The following FAM135B variants were observed in gnomAD, a reference collection of about 807,000 sequenced individuals.
The protein encoded by FAM135B is family with sequence similarity 135 member B, also known as protein FAM135B.
A neutral mutation model predicts 127.7 loss-of-function variants in FAM135B; 43 were observed. The ratio of observed to expected loss-of-function variants is 0.34; its 90% CI spans 0.26 to 0.43. The LOEUF is 0.43. Among genes scored for constraint, FAM135B ranks in the 20% least tolerant of loss-of-function variants. The pLI is 1.00. For missense variants in FAM135B, 1,558 were observed against 1,725.6 expected, an observed-to-expected ratio of 0.90 and a Z score of 1.72; for synonymous variants, 670 against 665.1, an observed-to-expected ratio of 1.01 and a Z score of -0.11.
intron 11 of FAM135B, among the ~76,000 whole-genome samples, chr8:138,169,640 T>C (rs1484353263): frequency 6.6e-6 from 1 of 152,216 alleles, no homozygotes; most frequent in Non-Finnish European, 1.5e-5. Flanking sequence ...TCTGTACCTT[T>C]TGCCACCTTC....
intron 1 of FAM135B, chr8:138,477,291 C>T (rs1266985175): frequency 2.0e-5 from 3 of 152,230 alleles, no homozygotes; most frequent in Non-Finnish European, 1.5e-5. Context: ...AATCTCTTTT[C>T]CCTGAGCTTT....
chr8:138,234,512 A>G (rs1379882027), intron 7 of FAM135B, among the ~76,000 whole-genome samples: 1 of 152,248 alleles, frequency 6.6e-6, no homozygotes, highest in Non-Finnish European at 1.5e-5. Flanking sequence ...ATATCTGTAT[A>G]TACATACACA....
At chr8:138,432,019 A>G (rs1414076661) in intron 1 of FAM135B, among the ~76,000 whole-genome samples, 1 of 152,186 alleles carries the variant, frequency 6.6e-6, no homozygotes, top group Non-Finnish European at 1.5e-5. Flanking sequence ...TAAACCAGCC[A>G]CTGGGCAGGG....
intron 15 of FAM135B, among the ~76,000 whole-genome samples, chr8:138,144,536 C>T (rs549526164): frequency 1.5e-4 from 23 of 152,156 alleles, no homozygotes; most frequent in Admixed American, 1.4e-3. Flanking sequence ...AAACAAGTGG[C>T]TATAATTATG....
intron 3 of FAM135B, among the ~76,000 whole-genome samples, chr8:138,295,541 C>T (rs533685741): frequency 6.6e-6 from 1 of 152,180 alleles, no homozygotes; most frequent in South Asian, 2.1e-4. Context: ...GTCCTGATTG[C>T]CACAAAACAG....
At chr8:138,311,630 C>G (rs754643069) in intron 2 of FAM135B, among the ~76,000 whole-genome samples, 1 of 152,104 alleles carries the variant, frequency 6.6e-6, no homozygotes, top group African/African-American at 2.4e-5. Flanking sequence ...TGATTTGAAA[C>G]CCATTGTGAA....
chr8:138,382,339 A>G (rs1317755040), intron 1 of FAM135B, among the ~76,000 whole-genome samples: 2 of 152,102 alleles, frequency 1.3e-5, no homozygotes, highest in Non-Finnish European at 2.9e-5. Flanking sequence ...CTTAATGCCA[A>G]TCCTCCTGAG....
At chr8:138,246,130 A>G (rs80276104) in intron 6 of FAM135B, among the ~76,000 whole-genome samples, 10,239 of 152,256 alleles carry the variant, frequency 0.067, 1,053 homozygotes, top group African/African-American at 0.22. Flanking sequence ...GAGGGAGCAG[A>G]GCACAAAAGT....
intron 1 of FAM135B, among the ~76,000 whole-genome samples, chr8:138,434,532 A>G (rs1835359529): frequency 6.6e-6 from 1 of 152,190 alleles, no homozygotes. Context: ...TCAATTAAAG[A>G]GTGTCAGACA....
rs533766936 is a variant in FAM135B, at chr8:138,270,712, T to C, written c.158-4870A>G. Among the ~76,000 whole-genome samples the C allele has an allele frequency of 2.2e-4, 33 of 152,362 alleles. No homozygotes were observed. The East Asian group carries it at 2.3e-3, about 11-fold the overall frequency. On this transcript the variant is annotated intron_variant, in intron 3 of 19. Coordinates refer to ENST00000395297, the MANE Select transcript of FAM135B (RefSeq NM_015912.4). Reference sequence around the variant, plus strand: ...CAAAAGTGAGCTGAACTTGCCCTTTTACAAAGGCAGGAATCACACCCAGTA... The same window carrying C: ...CAAAAGTGAGCTGAACTTGCCCTTTCACAAAGGCAGGAATCACACCCAGTA...
intron 4 of FAM135B, among the ~76,000 whole-genome samples, chr8:138,257,904 AAACAAAAC>A (rs1305925594): frequency 1.1e-5 from 1 of 88,636 alleles, no homozygotes; most frequent in Non-Finnish European, 3.1e-5. Context: ...AAATAAAACA[AAACAAAAC>A]AAAACAAAAC....
chr8:138,221,554 G>T (rs1406192663), intron 7 of FAM135B, among the ~76,000 whole-genome samples: 1 of 152,164 alleles, frequency 6.6e-6, no homozygotes, highest in Non-Finnish European at 1.5e-5. Flanking sequence ...AGGTGGGCTA[G>T]AGTTCACAGG....
chr8:138,462,188 ATGTATATATG>A (rs1385695470), intron 1 of FAM135B, among the ~76,000 whole-genome samples: 1 of 152,134 alleles, frequency 6.6e-6, no homozygotes, highest in African/African-American at 2.4e-5. Context: ...TTCCACATAT[ATGTATATATG>A]TACATATATG....
rs144532169 is a variant in FAM135B at position 138,336,383 on chromosome 8, A to G, written c.78-25463T>C. Among the ~76,000 whole-genome samples the G allele has an allele frequency of 5.9e-3, 905 of 152,148 alleles. 11 individuals carry two copies. Among genetic ancestry groups the G allele is most frequent in the African/African-American group, 0.02 (844 of 41,498 alleles). On this transcript the variant is annotated intron_variant, in intron 2 of 19. Transcript: ENST00000395297. ...AGCAAGACTAATAAAGAAGAAAAGA[A>G]AGAAGAATCAAATAGACGCAATAAA...
At chr8:138,394,537 C>A (rs1044942207) in intron 1 of FAM135B, among the ~76,000 whole-genome samples, 1 of 152,224 alleles carries the variant, frequency 6.6e-6, no homozygotes, top group African/African-American at 2.4e-5. Flanking sequence ...ACTCTACTGC[C>A]TGCTCTTGTG....
intron 7 of FAM135B, among the ~76,000 whole-genome samples, chr8:138,208,881 A>G (rs1586779665): frequency 6.6e-6 from 1 of 152,358 alleles, no homozygotes; most frequent in East Asian, 1.9e-4. Context: ...AACTTTTAAA[A>G]AAAAATCTCA....
intron 7 of FAM135B, among the ~76,000 whole-genome samples, chr8:138,233,839 A>C (rs1033679727): frequency 6.6e-6 from 1 of 150,904 alleles, no homozygotes; most frequent in Non-Finnish European, 1.5e-5. Flanking sequence ...CAAATAAATA[A>C]ATAAATAAAC....
intron 1 of FAM135B, among the ~76,000 whole-genome samples, chr8:138,424,045 C>A (rs984473061): frequency 1.1e-4 from 17 of 152,132 alleles, no homozygotes; most frequent in Non-Finnish European, 1.0e-4. Context: ...TTGCTGTTAT[C>A]ATGTTCTTTT....
intron 3 of FAM135B, among the ~76,000 whole-genome samples, chr8:138,271,200 T>C (rs1172558552): frequency 6.6e-6 from 1 of 152,196 alleles, no homozygotes; most frequent in East Asian, 1.9e-4. Flanking sequence ...CAATTCTGCT[T>C]GTACCTTCAA....
Sources: gnomAD v4.1 joint callset for allele counts (sites outside exome capture counted in the v4.1 genomes callset) on GRCh38, gnomAD v4.1.1 for gene constraint, MANE v1.5 for transcripts, NCBI Gene and HGNC (gene_info 2026-07-23, HGNC 2026-07-21) for gene names.